The following TUB variants were observed in gnomAD, a reference collection of about 807,000 sequenced individuals.
The protein encoded by TUB is TUB bipartite transcription factor.
In TUB, 33 loss-of-function variants were observed where a neutral mutation model predicts 59.7. The ratio of observed to expected loss-of-function variants is 0.55; its 90% CI spans 0.42 to 0.74. The LOEUF (loss-of-function observed/expected upper bound fraction) is 0.74. TUB is among the 30% of genes least tolerant of loss of function. The pLI is 0.00. For missense variants in TUB, 659 were observed against 672.0 expected (o/e 0.98, Z 0.21); for synonymous variants, 293 against 256.4 (o/e 1.14, Z -1.36).
chr11:8,100,134 A>G (rs1375098700), intron 9 of TUB, among the ~76,000 whole-genome samples: 1 of 152,148 alleles, frequency 6.6e-6, no homozygotes, highest in Non-Finnish European at 1.5e-5. Context: ...GATCTTGGTG[A>G]GAGAAGCTAG....
At position 8,100,487 on chromosome 11, in the gene TUB, G is replaced by A. The variant is rs897334739; in HGVS notation, c.1117-16G>A. The A allele has an allele frequency of 4.3e-6, 7 of 1,610,816 alleles. No individual in the cohort carries two copies. The highest frequency in any genetic ancestry group is 1.7e-4 in the Middle Eastern group (1 of 6,032). On this transcript the variant is annotated splice_polypyrimidine_tract_variant and intron_variant, in intron 9 of 11. Transcript: ENST00000299506. Reference sequence around the variant, plus strand: ...ATAGACGCCTCAGGTGGCCAGTGTTGCGTTCTCTTTCCCAGGAGACAAACG... The same window carrying A: ...ATAGACGCCTCAGGTGGCCAGTGTTACGTTCTCTTTCCCAGGAGACAAACG...
At chr11:8,045,046 T>G (rs1942810246) in intron 2 of TUB, among the ~76,000 whole-genome samples, 1 of 152,184 alleles carries the variant, frequency 6.6e-6, no homozygotes, top group Non-Finnish European at 1.5e-5. Context: ...TACAACTGAT[T>G]AAATCATTGA....
intron 6 of TUB, 32 bp from the exon 7 acceptor site, chr11:8,097,196 G>C (rs773225957): frequency 1.9e-5 from 30 of 1,611,902 alleles, no homozygotes; most frequent in Non-Finnish European, 2.5e-5. Flanking sequence ...TAGGGTCCTT[G>C]GGGCTCAGGC....
At chr11:8,041,872 A>G (rs1918849) in intron 2 of TUB, among the ~76,000 whole-genome samples, 28,603 of 152,032 alleles carry the variant, frequency 0.19, 3,127 homozygotes, top group African/African-American at 0.29. Context: ...ATTGGTCCAA[A>G]TTCATGGCCC....
chr11:8,039,563 C>T (rs1214325255), intron 1 of TUB: 1 of 1,270,284 alleles, frequency 7.9e-7, no homozygotes, highest in Non-Finnish European at 1.0e-6. Context: ...CCTTGAGTGA[C>T]CAGGTGTGGC....
At chr11:8,023,339 G>A (rs1942457457) in intron 1 of TUB, among the ~76,000 whole-genome samples, 3 of 152,128 alleles carry the variant, frequency 2.0e-5, no homozygotes, top group Admixed American at 2.0e-4. Context: ...GAAAATCTAT[G>A]GCCATTTTTC....
chr11:8,095,505 C>A lies in TUB; in HGVS notation c.405C>A (p.Ser135Arg). ...KEKKGKHKGT[S>R]GPAALAEDKS... ...CGTGTCCGTGGCCTGCAGGCACCAG[C>A]GGGCCAGCAGCACTGGCAGAAGACA... Residue 135 changes from serine (S) to arginine (R), a missense_variant, in exon 5 of 12, where the codon AGC (serine) becomes AGA (arginine). Around this residue, in one of 3 missense-constraint regions of TUB, gnomAD observed 321 missense variants for 304.3 expected, o/e 1.05. Transcript: ENST00000299506. 6.2e-7 allele frequency: 1 copy of A among 1,608,438 alleles called. No homozygotes were observed. The highest frequency in any genetic ancestry group is 8.5e-7 in the Non-Finnish European group (1 of 1,176,940).
At chr11:8,101,233 C>T (rs1944287143) in intron 11 of TUB, among the ~76,000 whole-genome samples, 1 of 152,208 alleles carries the variant, frequency 6.6e-6, no homozygotes, top group Admixed American at 6.5e-5. Context: ...CACGGGAACA[C>T]CCTTTAAAAG....
intron 3 of TUB, 105 bp from the exon 4 acceptor site, chr11:8,093,941 G>T: frequency 7.3e-7 from 1 of 1,371,916 alleles, no homozygotes; most frequent in Non-Finnish European, 1.0e-6. Context: ...GGTGGGACTC[G>T]GGGTGCAGTC....
At chr11:8,069,872 AC>A (rs920659139) in intron 2 of TUB, among the ~76,000 whole-genome samples, 8 of 151,188 alleles carry the variant, frequency 5.3e-5, no homozygotes, top group African/African-American at 1.5e-4. Flanking sequence ...ATTGAGAGAA[AC>A]AGGCAAAAAA....
chr11:8,094,290 AC>A, intron 4 of TUB, 101 bp downstream of exon 4: 1 of 1,416,444 alleles, frequency 7.1e-7, no homozygotes, highest in Non-Finnish European at 9.5e-7. Flanking sequence ...GATAGGATGA[AC>A]AGCCTCAGGG....
Position 8,101,740 on chromosome 11 carries a change from A to G in TUB, c.*121A>G. 1.4e-6 allele frequency: 2 copies of G among 1,429,324 alleles called. No individual in the cohort carries two copies. Among genetic ancestry groups the G allele is most frequent in the Non-Finnish European group, 1.8e-6 (2 of 1,086,264 alleles). 88.5% of individuals were successfully genotyped at this position (1,429,324 alleles called of 1,614,324 possible). A position where few individuals can be genotyped will look rare whatever the true frequency, so the allele number is the denominator to read the frequency against. ...TCCGCCAGATGAAGCTTTGGCCCTCAGTGGGCTCCCTGGCCCAGCCAGCCA... is the reference window on the plus strand; with the variant it reads ...TCCGCCAGATGAAGCTTTGGCCCTCGGTGGGCTCCCTGGCCCAGCCAGCCA... On this transcript the variant is annotated 3_prime_UTR_variant, in exon 12 of 12. Coordinates refer to ENST00000299506, the MANE Select transcript of TUB (RefSeq NM_177972.3).
At chr11:8,089,072 A>G (rs1943720626) in intron 1 of TUB, among the ~76,000 whole-genome samples, 1 of 152,208 alleles carries the variant, frequency 6.6e-6, no homozygotes, top group African/African-American at 2.4e-5. Context: ...AGGGGAGTAG[A>G]CAAAGTCAGG....
intron 3 of TUB, among the ~76,000 whole-genome samples, chr11:8,093,843 C>T (rs984651249): frequency 2.0e-5 from 3 of 152,142 alleles, no homozygotes; most frequent in Non-Finnish European, 4.4e-5. Flanking sequence ...GGTGCCGCCT[C>T]CTTCCAGCTG....
intron 1 of TUB, among the ~76,000 whole-genome samples, chr11:8,030,682 C>T (rs1589920874): frequency 6.6e-6 from 1 of 152,144 alleles, no homozygotes; most frequent in Admixed American, 6.5e-5. Flanking sequence ...AGAACTGTGC[C>T]AGCAGATGGG....
intron 2 of TUB, among the ~76,000 whole-genome samples, chr11:8,045,402 T>G (rs1004498165): frequency 2.0e-5 from 3 of 152,244 alleles, no homozygotes; most frequent in East Asian, 3.8e-4. Context: ...CCTCCTTTTT[T>G]GAATGCCTGG....
rs1295208578 is a variant in TUB, at chr11:8,081,390, C to T, written c.-121C>T. ...CGTGCAGCGCGGGCCTCGGCGGGGC[C>T]CAGCGCCCCGGCCCGGGAGGATGCG... On this transcript the variant is annotated 5_prime_UTR_variant, in exon 1 of 12. Transcript: ENST00000299506. The T allele has an allele frequency of 9.0e-6, 9 of 1,004,822 alleles. No homozygotes were observed. Among genetic ancestry groups the T allele is most frequent in the Non-Finnish European group, 1.1e-5 (9 of 843,840 alleles). The allele number at this position is 1,004,822 out of a possible 1,614,324, so 62.2% of individuals were successfully genotyped here. A position where few individuals can be genotyped will look rare whatever the true frequency, so the allele number is the denominator to read the frequency against.
chr11:8,096,882 G>C (rs1944017815), intron 6 of TUB, 76 bp downstream of exon 6: 2 of 1,541,140 alleles, frequency 1.3e-6, no homozygotes, highest in Admixed American at 1.7e-5. Flanking sequence ...CATGTGAAGA[G>C]ATGGACTCGT....
At chr11:8,020,587 C>T (rs1173150194) in intron 1 of TUB, among the ~76,000 whole-genome samples, 2 of 152,156 alleles carry the variant, frequency 1.3e-5, no homozygotes, top group Admixed American at 1.3e-4. Flanking sequence ...TCGAGATGGG[C>T]GCAACTGATC....
Sources: allele counts gnomAD v4.1 joint callset (sites outside exome capture counted in the v4.1 genomes callset), GRCh38; gene constraint gnomAD v4.1.1; regional missense constraint gnomAD v4.1.1; transcripts MANE v1.5; gene names NCBI Gene and HGNC (gene_info 2026-07-23, HGNC 2026-07-21).